Variants in CELF2 observed in about 807,000 individuals in gnomAD.
The protein encoded by CELF2 is CUG triplet repeat RNA-binding protein 2.
A neutral mutation model predicts 62.6 loss-of-function variants in CELF2; 8 were observed. The observed-to-expected ratio is 0.13, with a 90% confidence interval of 0.07 to 0.23. The LOEUF (loss-of-function observed/expected upper bound fraction) is 0.23, where lower values mean the gene tolerates loss of function less well. Among genes scored for constraint, CELF2 ranks in the 10% least tolerant of loss-of-function variants. CELF2 has a pLI of 1.00. For missense variants in CELF2, 333 were observed against 671.0 expected (o/e 0.50, Z 5.56); for synonymous variants, 258 against 250.0 (o/e 1.03, Z -0.30).
intron 2 of CELF2, among the ~76,000 whole-genome samples, chr10:10,967,938 A>C (rs922683507): frequency 2.0e-5 from 3 of 151,980 alleles, no homozygotes; most frequent in East Asian, 1.9e-4. Flanking sequence ...ACACACACAC[A>C]CCCCATTTTA....
the CELF2 span, among the ~76,000 whole-genome samples, chr10:10,503,454 C>A: frequency 2.0e-4 from 30 of 151,954 alleles, no homozygotes; most frequent in South Asian, 2.3e-3. Context: ...GGTAGATTGA[C>A]CTTTTGTCAT....
At chr10:10,466,390 AT>A in the CELF2 span, among the ~76,000 whole-genome samples, 6 of 152,162 alleles carry the variant, frequency 3.9e-5, no homozygotes, top group African/African-American at 1.4e-4. Flanking sequence ...ACATCAGTAG[AT>A]TTTTTATTGC....
the CELF2 span, among the ~76,000 whole-genome samples, chr10:10,680,183 A>G: frequency 6.6e-6 from 1 of 151,430 alleles, no homozygotes; most frequent in African/African-American, 2.4e-5. Flanking sequence ...GTATGTGCGT[A>G]TGTGTATAAA....
chr10:10,748,747 C>CAAA, the CELF2 span, among the ~76,000 whole-genome samples: 16 of 36,976 alleles, frequency 4.3e-4, no homozygotes, highest in Non-Finnish European at 6.2e-4. Flanking sequence ...GACTCTGTCT[C>CAAA]AAAAAAAAAA....
chr10:11,166,010 G>C (rs2067030785), intron 2 of CELF2, among the ~76,000 whole-genome samples: 1 of 152,226 alleles, frequency 6.6e-6, no homozygotes, highest in South Asian at 2.1e-4. Flanking sequence ...CTTCTCCGAG[G>C]AATCGCGTTT....
At chr10:10,659,915 A>C in the CELF2 span, among the ~76,000 whole-genome samples, 1 of 152,188 alleles carries the variant, frequency 6.6e-6, no homozygotes, top group African/African-American at 2.4e-5. Flanking sequence ...AGGTGATCAC[A>C]GGGTTGTTGA....
chr10:11,272,993 A>T (rs1421960148), intron 7 of CELF2, among the ~76,000 whole-genome samples: 1 of 152,154 alleles, frequency 6.6e-6, no homozygotes, highest in East Asian at 1.9e-4. Context: ...ATCAAACCGA[A>T]ATAAGGCCTT....
chr10:10,904,691 C>G (rs1398248910), intron 1 of CELF2, among the ~76,000 whole-genome samples: 1 of 152,222 alleles, frequency 6.6e-6, no homozygotes, highest in Non-Finnish European at 1.5e-5. Flanking sequence ...ATGCGCCTGC[C>G]TCTGGTACAC....
intron 1 of CELF2, among the ~76,000 whole-genome samples, chr10:10,840,916 C>T (rs2058638960): frequency 6.6e-6 from 1 of 152,148 alleles, no homozygotes; most frequent in Admixed American, 6.5e-5. Context: ...TGTTCAACCC[C>T]CACTTATGAG....
At chr10:10,724,522 G>A in the CELF2 span, among the ~76,000 whole-genome samples, 1 of 152,038 alleles carries the variant, frequency 6.6e-6, no homozygotes, top group Non-Finnish European at 1.5e-5. Flanking sequence ...CAGGCATGGT[G>A]GCAGGTGCCT....
At chr10:10,853,636 A>G (rs2059527819) in intron 1 of CELF2, among the ~76,000 whole-genome samples, 1 of 151,664 alleles carries the variant, frequency 6.6e-6, no homozygotes, top group Non-Finnish European at 1.5e-5. Flanking sequence ...GTAAAAGTCC[A>G]ATAGAAAAAA....
intron 3 of CELF2, among the ~76,000 whole-genome samples, chr10:11,240,214 A>G (rs983887692): frequency 9.2e-5 from 14 of 152,252 alleles, no homozygotes; most frequent in African/African-American, 3.1e-4. Flanking sequence ...TTTCCAAAGC[A>G]GTGTTCAGAT....
rs566296379 is a variant in CELF2 at position 11,145,647 on chromosome 10, T to G, written c.75-19839T>G. On this transcript the variant is annotated intron_variant, in intron 1 of 12. Transcript: ENST00000633077. The surrounding 1 kb of genome is among the most constrained non-coding windows in gnomAD (Gnocchi z 4.3). ...TGACTGCAGAGAGGTTGTAGCACTC[T>G]GTGCAGGGCTCCCTTCAAGCTGAAT... is the stretch of plus-strand genomic sequence containing the variant. Among the ~76,000 whole-genome samples, 1 of 152,332 alleles carries G rather than the reference T, an allele frequency of 6.6e-6. No homozygotes were observed. Among genetic ancestry groups the G allele is most frequent in the Admixed American group, 6.5e-5 (1 of 15,308 alleles).
rs2093883656 is a variant in CELF2, at chr10:11,302,746, T to C, written c.977-11393T>C. 6.6e-6 allele frequency among the ~76,000 whole-genome samples: 1 copy of C among 152,232 alleles called. No homozygotes were observed. The highest frequency in any genetic ancestry group is 6.5e-5 in the Admixed American group (1 of 15,286). ...GTTTCCATTTTAAGCTTAATGGGGC[T>C]TGTATTTATGTCGATCCTTTGTTCT... On this transcript the variant is annotated intron_variant, in intron 9 of 12. Coordinates refer to ENST00000633077, the MANE Select transcript of CELF2 (RefSeq NM_001326342.2). The surrounding 1 kb of genome is among the most constrained non-coding windows in gnomAD (Gnocchi z 5.0).
chr10:11,271,223 C>A (rs1025951108), intron 7 of CELF2, among the ~76,000 whole-genome samples: 1 of 152,218 alleles, frequency 6.6e-6, no homozygotes, highest in South Asian at 2.1e-4. Flanking sequence ...CCTGGCTCTT[C>A]GCAGTGGAAC....
intron 2 of CELF2, among the ~76,000 whole-genome samples, chr10:10,959,236 G>A (rs910766889): frequency 2.6e-5 from 4 of 152,130 alleles, no homozygotes; most frequent in Non-Finnish European, 4.4e-5. Flanking sequence ...AGGTGACATC[G>A]CGCCACTGCA....
At chr10:11,048,374 G>T (rs58573279) in intron 1 of CELF2, among the ~76,000 whole-genome samples, 1 of 152,074 alleles carries the variant, frequency 6.6e-6, no homozygotes, top group African/African-American at 2.4e-5. Context: ...TCAGTATTAC[G>T]TATATAAAAG....
chr10:11,158,044 G>A (rs17149675), intron 1 of CELF2, among the ~76,000 whole-genome samples: 5,397 of 152,276 alleles, frequency 0.035, 112 homozygotes, highest in Middle Eastern at 0.068. Context: ...CTTGGGAAGC[G>A]CAGGCCCCTG....
intron 1 of CELF2, among the ~76,000 whole-genome samples, chr10:10,915,131 TAAA>T (rs11358531): frequency 1.7e-4 from 23 of 135,818 alleles, no homozygotes; most frequent in Admixed American, 2.2e-4. Context: ...AACTTTATTT[TAAA>T]AAAAAAAAAA....
Sources: allele counts gnomAD v4.1 joint callset (sites outside exome capture counted in the v4.1 genomes callset), GRCh38; gene constraint gnomAD v4.1.1; non-coding constraint Gnocchi (gnomAD v3.1); transcripts MANE v1.5; gene names NCBI Gene and HGNC (gene_info 2026-07-23, HGNC 2026-07-21).